The following PARP16 variants were observed in gnomAD, a reference collection of about 807,000 sequenced individuals.
PARP16 encodes the protein poly(ADP-ribose) polymerase family member 16, also known as protein mono-ADP-ribosyltransferase PARP16.
In PARP16, 31 loss-of-function variants were observed where a neutral mutation model predicts 35.0. The observed-to-expected ratio is 0.88, with a 90% confidence interval of 0.66 to 1.19. The LOEUF (loss-of-function observed/expected upper bound fraction) is 1.19, where lower values mean the gene tolerates loss of function less well. Among genes scored for constraint, PARP16 ranks in the 50% most tolerant of loss-of-function variants. PARP16 has a pLI of 0.00. For missense variants in PARP16, 424 were observed against 411.2 expected (o/e 1.03, Z -0.27); for synonymous variants, 162 against 169.5 (o/e 0.96, Z 0.34).
At chr15:65,233,346 G>A (rs1490847547), downstream of PARP16, among the ~76,000 whole-genome samples, 7 of 151,814 alleles carry the variant, frequency 4.6e-5, no homozygotes, top group Non-Finnish European at 1.0e-4. Context: ...AGCTTGCAGT[G>A]AGCCAAGATC....
intron 1 of PARP16, among the ~76,000 whole-genome samples, chr15:65,278,617 C>G (rs893360596): frequency 3.9e-5 from 6 of 152,154 alleles, no homozygotes; most frequent in Admixed American, 1.3e-4. Context: ...GGAGCAATCA[C>G]TTAGATCACA....
chr15:65,262,373 C>A (rs2089756922), intron 4 of PARP16, among the ~76,000 whole-genome samples: 1 of 152,170 alleles, frequency 6.6e-6, no homozygotes, highest in African/African-American at 2.4e-5. Flanking sequence ...CTCAGGTGAT[C>A]CACCCGACTT....
Position 65,286,454 on chromosome 15 carries a change from G to C in PARP16, c.-28C>G, listed in dbSNP as rs201444053. ...CAGGTCACTGCGCGTTGCCGGGGTA[G>C]ACGCGCTGGTTAGGGGCAAGGGCGA... On this transcript the variant is annotated 5_prime_UTR_variant, in exon 1 of 6. Transcript: ENST00000649807. The C allele has an allele frequency of 7.6e-6, 11 of 1,442,358 alleles. No homozygotes were observed. In the Middle Eastern group the frequency reaches 7.2e-4, roughly 94 times the overall value. 89.3% of individuals were successfully genotyped at this position (1,442,358 alleles called of 1,614,324 possible). A position where few individuals can be genotyped will look rare whatever the true frequency, so the allele number is the denominator to read the frequency against.
At chr15:65,233,555 GA>G (rs770866077), downstream of PARP16, among the ~76,000 whole-genome samples, 2 of 152,020 alleles carry the variant, frequency 1.3e-5, no homozygotes, top group Non-Finnish European at 2.9e-5. Flanking sequence ...GGCCAACATG[GA>G]AAAAACCCAT....
rs751888722 is a variant in PARP16, at chr15:65,286,346, G to A, written c.81C>T (p.Phe27=). The A allele has an allele frequency of 1.9e-6, 3 of 1,599,254 alleles. No individual in the cohort carries two copies. Among genetic ancestry groups the A allele is most frequent in the East Asian group, 2.3e-5 (1 of 43,756 alleles). Residue 27 remains phenylalanine, a synonymous_variant, in exon 1 of 6, where the codon TTC becomes TTT. Coordinates refer to ENST00000649807, the MANE Select transcript of PARP16 (RefSeq NM_001316943.2). ...MLAADLRCSL[F]ASALQSYKRD... is the part of the protein sequence containing the mutation. ...GCTTGTAGCTCTGCAGGGCCGAGGC[G>A]AAGAGGCTGCACCGGAGGTCGGCGG...
intron 1 of PARP16, among the ~76,000 whole-genome samples, chr15:65,276,378 T>G (rs1346892873): frequency 6.6e-6 from 1 of 151,834 alleles, no homozygotes; most frequent in East Asian, 1.9e-4. Flanking sequence ...ACCCATTTTG[T>G]TTTTTTTAAA....
chr15:65,243,264 T>G (rs1232924658), intron 3 of PARP16, among the ~76,000 whole-genome samples: 2 of 152,120 alleles, frequency 1.3e-5, no homozygotes, highest in East Asian at 1.9e-4. Flanking sequence ...TTTGTTGTTG[T>G]TTTTAGAGAG....
intron 3 of PARP16, among the ~76,000 whole-genome samples, chr15:65,247,742 A>G (rs2089246406): frequency 6.6e-6 from 1 of 151,818 alleles, no homozygotes; most frequent in African/African-American, 2.4e-5. Context: ...ACAGACACAC[A>G]GAGACATGTA....
At chr15:65,241,056 G>A (rs1019088106) in intron 3 of PARP16, among the ~76,000 whole-genome samples, 4 of 150,954 alleles carry the variant, frequency 2.6e-5, no homozygotes, top group Non-Finnish European at 4.4e-5. Flanking sequence ...GGCTGGTCTT[G>A]AACTCCTGAC....
chr15:65,260,651 A>G (rs925473242), intron 5 of PARP16, among the ~76,000 whole-genome samples: 1 of 152,188 alleles, frequency 6.6e-6, no homozygotes. Flanking sequence ...TCAGTCTCTC[A>G]TGCTATTTGT....
At chr15:65,260,211 A>G (rs2089660301) in intron 5 of PARP16, among the ~76,000 whole-genome samples, 1 of 152,138 alleles carries the variant, frequency 6.6e-6, no homozygotes, top group Non-Finnish European at 1.5e-5. Context: ...GATTATTTAA[A>G]GTGACCCCTT....
In PARP16 at chr15:65,273,276, C is replaced by CAAAAAAAAAAAAAAAAAAAAAAAAA. The variant is rs1233896826; in HGVS notation, c.175-2205_175-2204insTTTTTTTTTTTTTTTTTTTTTTTTT. ...CTGGTGACAGAGAGAGACTCTGTCT[C>CAAAAAAAAAAAAAAAAAAAAAAAAA]AAAAAAAAAAAAAAAAAAGAATACC... On this transcript the variant is annotated intron_variant, in intron 1 of 5. Coordinates refer to ENST00000649807, the MANE Select transcript of PARP16 (RefSeq NM_001316943.2). Among the ~76,000 whole-genome samples, 42 of 57,486 alleles carry CAAAAAAAAAAAAAAAAAAAAAAAAA rather than the reference C, an allele frequency of 7.3e-4. 1 individual carries two copies. Among genetic ancestry groups the CAAAAAAAAAAAAAAAAAAAAAAAAA allele is most frequent in the Non-Finnish European group, 1.1e-3 (32 of 28,724 alleles). The allele number at this position is 57,486 out of a possible 152,430, so 37.7% of individuals were successfully genotyped here.
At position 65,286,412 on chromosome 15, in the gene PARP16, G is replaced by A. The variant is rs774991944; in HGVS notation, c.15C>T (p.Gly5=). Residue 5 remains glycine (G), a synonymous_variant, in exon 1 of 6, where the codon GGC becomes GGT. Coordinates refer to ENST00000649807, the MANE Select transcript of PARP16 (RefSeq NM_001316943.2). The stretch of plus-strand genomic sequence containing the variant: ...CCGCCGCCTCCCTGGCGGCCGCCCA[G>A]CCTGAGGGCTGCATCCCAGGTCACT... The part of the protein sequence containing the change: MQPS[G]WAAAREAAGR... The A allele has an allele frequency of 7.2e-6, 11 of 1,535,340 alleles. No individual in the cohort carries two copies. The highest frequency in any genetic ancestry group is 4.4e-6 in the Non-Finnish European group (5 of 1,145,128).
At chr15:65,245,118 T>C (rs770310862) in intron 3 of PARP16, among the ~76,000 whole-genome samples, 19 of 152,248 alleles carry the variant, frequency 1.2e-4, no homozygotes, top group Non-Finnish European at 2.5e-4. Context: ...AACTGGCAGC[T>C]GCTCCTCAGT....
chr15:65,283,525 G>A (rs1172988551), intron 1 of PARP16, among the ~76,000 whole-genome samples: 4 of 152,094 alleles, frequency 2.6e-5, no homozygotes, highest in African/African-American at 9.7e-5. Context: ...GTCCTTCTCT[G>A]TAAGCTCACA....
intron 1 of PARP16, among the ~76,000 whole-genome samples, chr15:65,274,078 G>A (rs111798151): frequency 0.014 from 2,112 of 151,560 alleles, 43 homozygotes; most frequent in African/African-American, 0.043. Flanking sequence ...GCATAGCTGG[G>A]ACTATAGGCA....
chr15:65,260,092 A>C (rs1187053264), intron 5 of PARP16, among the ~76,000 whole-genome samples: 1 of 152,228 alleles, frequency 6.6e-6, no homozygotes. Context: ...ACCTGGACCC[A>C]GGCACCCTAT....
At chr15:65,269,323 C>T (rs1055046735) in intron 2 of PARP16, among the ~76,000 whole-genome samples, 9 of 151,972 alleles carry the variant, frequency 5.9e-5, no homozygotes, top group South Asian at 2.1e-4. Context: ...CAGCCTCCCA[C>T]GTAGCTGGGA....
intron 5 of PARP16, 24 bp downstream of exon 5, chr15:65,260,861 A>G: frequency 1.2e-6 from 2 of 1,610,724 alleles, no homozygotes; most frequent in Non-Finnish European, 1.7e-6. Flanking sequence ...GAATACAGCC[A>G]TTAGTTGTTC....
Sources: allele counts gnomAD v4.1 joint callset (sites outside exome capture counted in the v4.1 genomes callset), GRCh38; gene constraint gnomAD v4.1.1; transcripts MANE v1.5; gene names NCBI Gene and HGNC (gene_info 2026-07-23, HGNC 2026-07-21).